The following CADM2 variants were observed in gnomAD, a reference collection of about 807,000 sequenced individuals.
The protein encoded by CADM2 is immunoglobulin superfamily member 4D.
A neutral mutation model predicts 49.8 loss-of-function variants in CADM2; 12 were observed. That is an observed-to-expected ratio of 0.24 (90% confidence interval 0.15 to 0.39). CADM2 has a LOEUF of 0.39. CADM2 is among the 10% of genes least tolerant of loss of function. CADM2 has a pLI of 1.00. For missense variants in CADM2, 378 were observed against 492.3 expected (o/e 0.77, Z 2.20); for synonymous variants, 214 against 175.4 (o/e 1.22, Z -1.74).
At chr3:85,915,018 C>T (rs965662637) in intron 6 of CADM2, among the ~76,000 whole-genome samples, 15 of 152,072 alleles carry the variant, frequency 9.9e-5, no homozygotes, top group South Asian at 4.1e-4. Flanking sequence ...TGTTATTCCA[C>T]GCCACAGTCA....
At chr3:85,931,354 G>A (rs77749517) in intron 6 of CADM2, among the ~76,000 whole-genome samples, 4,571 of 152,124 alleles carry the variant, frequency 0.03, 222 homozygotes, top group African/African-American at 0.1. Flanking sequence ...CTGCAGGATC[G>A]ATCATGTGAG....
intron 1 of CADM2, among the ~76,000 whole-genome samples, chr3:85,552,085 G>A (rs1427981360): frequency 6.6e-6 from 1 of 152,054 alleles, no homozygotes; most frequent in Non-Finnish European, 1.5e-5. Context: ...GAGTAGAAAA[G>A]GGGCCTGGCT....
At chr3:85,568,469 C>CTTTCTTTCTTTCTTTCTTTCTTTCTT (rs374134738) in intron 1 of CADM2, among the ~76,000 whole-genome samples, 8 of 11,140 alleles carry the variant, frequency 7.2e-4, no homozygotes, top group African/African-American at 7.7e-4. Flanking sequence ...CTTTCTCTTT[C>CTTTCTTTCTTTCTTTCTTTCTTTCTT]TCTCTCTTTC....
chr3:85,802,080 T>C lies in CADM2; in HGVS notation c.122T>C (p.Val41Ala). 3 of 1,612,998 alleles carry C rather than the reference T, an allele frequency of 1.9e-6. No individual in the cohort carries two copies. The highest frequency in any genetic ancestry group is 2.5e-6 in the Non-Finnish European group (3 of 1,179,308). ...SQGQFPLTQN[V>A]TVVEGGTAIL... ...GGGCAGTTTCCACTAACACAGAATG[T>C]AACCGTTGTTGAAGGTGGAACTGCA... Residue 41 changes from valine to alanine, a missense_variant, in exon 3 of 10, where the codon GTA (valine) becomes GCA (alanine). Val to Ala is a moderately conservative substitution (Grantham distance 64). Transcript: ENST00000383699.
At chr3:85,696,202 C>T (rs1239719304) in intron 1 of CADM2, among the ~76,000 whole-genome samples, 2 of 151,986 alleles carry the variant, frequency 1.3e-5, no homozygotes, top group South Asian at 4.1e-4. Flanking sequence ...ATATTTTCTC[C>T]CAATCCACTT....
intron 1 of CADM2, among the ~76,000 whole-genome samples, chr3:85,476,589 A>G (rs1371383366): frequency 1.6e-5 from 1 of 61,002 alleles, no homozygotes; most frequent in Non-Finnish European, 3.4e-5. Context: ...AAGGTCAATG[A>G]TTTGCCAGTG....
In CADM2 at chr3:86,073,520, A is replaced by G. The variant is rs1703391845; in HGVS notation, c.*6737A>G. 1 of 152,058 alleles carries G rather than the reference A, an allele frequency of 6.6e-6. No homozygotes were observed. 9.4% of individuals were successfully genotyped at this position (152,058 alleles called of 1,614,324 possible). A position where few individuals can be genotyped will look rare whatever the true frequency, so the allele number is the denominator to read the frequency against. On this transcript the variant is annotated 3_prime_UTR_variant, in exon 10 of 10. Coordinates refer to ENST00000383699, the MANE Select transcript of CADM2 (RefSeq NM_001167675.2). ...CAATGTGTACTTAGCGGCGCTTAAA[A>G]TATGTCATGTACAACTCTTATAAAC...
chr3:85,806,519 C>G (rs538096395), intron 3 of CADM2, among the ~76,000 whole-genome samples: 1 of 152,210 alleles, frequency 6.6e-6, no homozygotes, highest in East Asian at 1.9e-4. Flanking sequence ...TAAAAACATG[C>G]TGTGAGTGGT....
intron 2 of CADM2, among the ~76,000 whole-genome samples, chr3:85,731,791 T>TA (rs1282459392): frequency 6.6e-6 from 1 of 151,896 alleles, no homozygotes; most frequent in Non-Finnish European, 1.5e-5. Flanking sequence ...ACAAGTGAAA[T>TA]AAAAAATTTG....
At chr3:85,392,021 A>G (rs2034544018) in intron 1 of CADM2, among the ~76,000 whole-genome samples, 1 of 152,112 alleles carries the variant, frequency 6.6e-6, no homozygotes, top group Non-Finnish European at 1.5e-5. Context: ...AAAGAGTGTT[A>G]GCATTGGGAG....
intron 1 of CADM2, among the ~76,000 whole-genome samples, chr3:85,044,920 A>G (rs1230774552): frequency 2.0e-5 from 3 of 151,610 alleles, no homozygotes; most frequent in Non-Finnish European, 4.4e-5. Flanking sequence ...AATTGGGCCC[A>G]TACAAAGAAT....
intron 1 of CADM2, among the ~76,000 whole-genome samples, chr3:85,710,287 T>C (rs1474781002): frequency 2.0e-5 from 3 of 152,168 alleles, no homozygotes; most frequent in African/African-American, 7.2e-5. Context: ...TTGCTCTAGA[T>C]TTCCAACCAG....
At chr3:85,264,862 G>T (rs2043088198) in intron 1 of CADM2, among the ~76,000 whole-genome samples, 1 of 151,924 alleles carries the variant, frequency 6.6e-6, no homozygotes. Flanking sequence ...ACAAGAAGTT[G>T]GCCAAATTCC....
rs2033110281 is a variant in CADM2 at position 85,370,191 on chromosome 3, A to G, written c.62-356331A>G. On this transcript the variant is annotated intron_variant, in intron 1 of 9. Transcript: ENST00000383699. Reference sequence around the variant, plus strand: ...TAGCGCCATTGCAATCCAGCCTGGGACACAAGAACGAAACTCCTTTTCAAA... The same window carrying G: ...TAGCGCCATTGCAATCCAGCCTGGGGCACAAGAACGAAACTCCTTTTCAAA... Among the ~76,000 whole-genome samples, 4 of 147,546 alleles carry G rather than the reference A, an allele frequency of 2.7e-5. No individual in the cohort carries two copies. In the Admixed American group the frequency reaches 2.7e-4, roughly 10 times the overall value.
At chr3:85,340,723 G>A (rs2045217159) in intron 1 of CADM2, among the ~76,000 whole-genome samples, 1 of 151,418 alleles carries the variant, frequency 6.6e-6, no homozygotes, top group South Asian at 2.1e-4. Context: ...AGAATTGCTG[G>A]CAGCATTGGA....
chr3:85,252,361 G>A (rs2042794907), intron 1 of CADM2, among the ~76,000 whole-genome samples: 1 of 151,928 alleles, frequency 6.6e-6, no homozygotes, highest in Admixed American at 6.6e-5. Flanking sequence ...AAGAAAAAAT[G>A]ATGAAGGAGT....
chr3:85,182,923 T>A (rs1390289759), intron 1 of CADM2, among the ~76,000 whole-genome samples: 1 of 152,124 alleles, frequency 6.6e-6, no homozygotes, highest in African/African-American at 2.4e-5. Context: ...GAATTCAAGT[T>A]GTTTTATTTT....
chr3:86,005,760 A>C (rs923990490), intron 8 of CADM2, among the ~76,000 whole-genome samples: 1 of 152,056 alleles, frequency 6.6e-6, no homozygotes, highest in Non-Finnish European at 1.5e-5. Flanking sequence ...TAGTCACACT[A>C]TTGTGCTGTC....
At position 85,986,401 on chromosome 3, in the gene CADM2, T is replaced by G. The variant is rs1209618763; in HGVS notation, c.970+24754T>G. On this transcript the variant is annotated intron_variant, in intron 8 of 9. Transcript: ENST00000383699. ...ATCTTGACACAGTTAAATCCCAAAG[T>G]GTGCAAATCAAGAAGTTGTTTATGA... Among the ~76,000 whole-genome samples, 5 of 151,552 alleles carry G rather than the reference T, an allele frequency of 3.3e-5. No homozygotes were observed. In the East Asian group the frequency reaches 9.7e-4, roughly 29 times the overall value.
Sources: gnomAD v4.1 joint callset for allele counts (sites outside exome capture counted in the v4.1 genomes callset) on GRCh38, gnomAD v4.1.1 for gene constraint, MANE v1.5 for transcripts, NCBI Gene and HGNC (gene_info 2026-07-23, HGNC 2026-07-21) for gene names.